Variants in DAP observed in about 807,000 individuals in gnomAD.
The protein encoded by DAP is death associated protein.
A neutral mutation model predicts 13.8 loss-of-function variants in DAP; 8 were observed. That is an observed-to-expected ratio of 0.58 (90% CI 0.34 to 1.05). The LOEUF (loss-of-function observed/expected upper bound fraction) is 1.05, where lower values mean the gene tolerates loss of function less well. Ranked by LOEUF, DAP falls within the 50% of genes least tolerant of loss-of-function variation. DAP has a pLI of 0.03. For synonymous variants in DAP, 47 were observed against 47.5 expected, an observed-to-expected ratio of 0.99 and a Z score of 0.04; for missense variants, 106 against 133.2, an observed-to-expected ratio of 0.80 and a Z score of 1.01.
At chr5:10,681,242 C>T in intron 3 of DAP, 73 bp from the exon 4 acceptor site, 2 of 1,169,928 alleles carry the variant, frequency 1.7e-6, no homozygotes, top group Non-Finnish European at 2.4e-6. Context: ...AGCCCCAGGC[C>T]AGTGCCCACC....
chr5:10,758,749 C>A (rs58891571), intron 1 of DAP, among the ~76,000 whole-genome samples: 24,379 of 152,148 alleles, frequency 0.16, 2,135 homozygotes, highest in East Asian at 0.31. Context: ...AGAACCCAAG[C>A]TCACTGCTAC....
intron 2 of DAP, among the ~76,000 whole-genome samples, chr5:10,732,791 T>G (rs928922991): frequency 1.3e-5 from 2 of 152,234 alleles, no homozygotes; most frequent in African/African-American, 4.8e-5. Context: ...TTTAAAAATA[T>G]TTTTATTATG....
intron 2 of DAP, among the ~76,000 whole-genome samples, chr5:10,713,054 CAACCA>C (rs1472627622): frequency 2.6e-5 from 4 of 152,270 alleles, no homozygotes; most frequent in African/African-American, 9.6e-5. Context: ...ACCAGCCAAC[CAACCA>C]GCCAACCAAT....
chr5:10,738,814 C>T (rs572389690), intron 2 of DAP, among the ~76,000 whole-genome samples: 45 of 152,262 alleles, frequency 3.0e-4, no homozygotes, highest in African/African-American at 5.8e-4. Context: ...TTTTAGTAAA[C>T]ACACACTAAA....
intron 2 of DAP, 98 bp from the exon 3 acceptor site, chr5:10,683,669 G>A: frequency 1.7e-6 from 2 of 1,148,106 alleles, no homozygotes; most frequent in Non-Finnish European, 2.6e-6. Flanking sequence ...AGGCTGGAGG[G>A]CGTGGAGGCA....
chr5:10,759,170 G>C (rs1367395560), intron 1 of DAP, among the ~76,000 whole-genome samples: 1 of 152,250 alleles, frequency 6.6e-6, no homozygotes. Context: ...GTGACAGAGT[G>C]AGACTCTGTT....
intron 1 of DAP, among the ~76,000 whole-genome samples, chr5:10,755,590 TG>T (rs951662668): frequency 3.3e-4 from 50 of 152,286 alleles, no homozygotes; most frequent in Admixed American, 6.5e-4. Flanking sequence ...AATTGCTCTT[TG>T]TTAAGAAGAC....
intron 2 of DAP, among the ~76,000 whole-genome samples, chr5:10,742,924 ACCATCCAT>A (rs369437281): frequency 2.2e-5 from 3 of 134,188 alleles, no homozygotes; most frequent in Admixed American, 1.5e-4. Context: ...GTTTGTATCT[ACCATCCAT>A]CCATCCATCC....
intron 2 of DAP, among the ~76,000 whole-genome samples, chr5:10,730,414 T>G (rs1739412250): frequency 6.6e-6 from 1 of 151,342 alleles, no homozygotes; most frequent in South Asian, 2.1e-4. Flanking sequence ...AGAGCCCCGG[T>G]GGGGGGGAAT....
At chr5:10,696,077 G>A (rs931439187) in intron 2 of DAP, among the ~76,000 whole-genome samples, 3 of 152,096 alleles carry the variant, frequency 2.0e-5, no homozygotes, top group Non-Finnish European at 2.9e-5. Context: ...TCCCATTCCA[G>A]ACCACTTCAG....
At chr5:10,694,291 T>C (rs1251862053) in intron 2 of DAP, among the ~76,000 whole-genome samples, 3 of 152,004 alleles carry the variant, frequency 2.0e-5, no homozygotes, top group African/African-American at 7.3e-5. Context: ...GACAAGCTGG[T>C]GAGCTGGTGG....
At chr5:10,758,280 A>G (rs999311196) in intron 1 of DAP, among the ~76,000 whole-genome samples, 3 of 151,778 alleles carry the variant, frequency 2.0e-5, no homozygotes, top group African/African-American at 4.8e-5. Flanking sequence ...CTAAACAAGA[A>G]CACCAGAGCT....
At chr5:10,744,551 A>T (rs944993921) in intron 2 of DAP, among the ~76,000 whole-genome samples, 7 of 152,196 alleles carry the variant, frequency 4.6e-5, no homozygotes, top group African/African-American at 1.7e-4. Context: ...AGTAAGTTTC[A>T]TTTACAGAGA....
Position 10,680,498 on chromosome 5 carries a change from A to C in DAP, c.*558T>G. ...GATGCATGCTTTTTCGGCTTTTCTCATGGGTGCCTCATCAGCCTGCACAGG... is the reference window on the plus strand; with the variant it reads ...GATGCATGCTTTTTCGGCTTTTCTCCTGGGTGCCTCATCAGCCTGCACAGG... On this transcript the variant is annotated 3_prime_UTR_variant, in exon 4 of 4. Transcript: ENST00000230895. The C allele has an allele frequency of 1.8e-6, 1 of 554,648 alleles. No individual in the cohort carries two copies. Among genetic ancestry groups the C allele is most frequent in the South Asian group, 2.6e-5 (1 of 38,740 alleles). 34.4% of individuals were successfully genotyped at this position (554,648 alleles called of 1,614,324 possible). A position where few individuals can be genotyped will look rare whatever the true frequency, so the allele number is the denominator to read the frequency against.
intron 2 of DAP, among the ~76,000 whole-genome samples, chr5:10,710,729 C>G (rs894373841): frequency 6.6e-6 from 1 of 152,186 alleles, no homozygotes; most frequent in Non-Finnish European, 1.5e-5. Context: ...CTGGGAGTGT[C>G]CTTCAGCCCT....
At position 10,707,848 on chromosome 5, in the gene DAP, GT is replaced by G. The variant is rs1400523714; in HGVS notation, c.153-24278del. Among the ~76,000 whole-genome samples, 4 of 152,188 alleles carry G rather than the reference GT, an allele frequency of 2.6e-5. No homozygotes were observed. The highest frequency in any genetic ancestry group is 9.7e-5 in the African/African-American group (4 of 41,436). ...GAGTACTGGCTCTGCTCATCATCCA[GT>G]TCTCTTTTAGATTAAATTCTCCATG... On this transcript the variant is annotated intron_variant, in intron 2 of 3. Transcript: ENST00000230895. The surrounding 1 kb of genome is among the most constrained non-coding windows in gnomAD (Gnocchi z 4.0).
intron 2 of DAP, among the ~76,000 whole-genome samples, chr5:10,724,020 C>T (rs774089711): frequency 1.3e-4 from 20 of 152,132 alleles, no homozygotes; most frequent in Non-Finnish European, 2.4e-4. Context: ...AAAAGTAAAC[C>T]TGTGGGATGT....
At chr5:10,695,181 G>T (rs569930364) in intron 2 of DAP, among the ~76,000 whole-genome samples, 17 of 152,182 alleles carry the variant, frequency 1.1e-4, no homozygotes, top group African/African-American at 4.1e-4. Flanking sequence ...TGTGACAGTC[G>T]AGGCTGTCTC....
chr5:10,731,005 G>C lies in DAP; in HGVS notation c.152+17170C>G, dbSNP rs376057277. Among the ~76,000 whole-genome samples, 12 of 92,978 alleles carry C rather than the reference G, an allele frequency of 1.3e-4. No individual in the cohort carries two copies. The East Asian group carries it at 3.6e-3, about 28-fold the overall frequency. 61.0% of individuals were successfully genotyped at this position (92,978 alleles called of 152,430 possible). A position where few individuals can be genotyped will look rare whatever the true frequency, so the allele number is the denominator to read the frequency against. ...CTTTCTCTATTGAGAGCCCTGGTGG[G>C]GGGGAATCTTTCTGTACTGAGAGCC... On this transcript the variant is annotated intron_variant, in intron 2 of 3. Transcript: ENST00000230895.
Sources: allele counts gnomAD v4.1 joint callset (sites outside exome capture counted in the v4.1 genomes callset), GRCh38; gene constraint gnomAD v4.1.1; non-coding constraint Gnocchi (gnomAD v3.1); transcripts MANE v1.5; gene names NCBI Gene and HGNC (gene_info 2026-07-23, HGNC 2026-07-21).